SCAPER: variants seen among roughly 807,000 people sequenced by gnomAD.
The protein encoded by SCAPER is S phase cyclin A-associated protein in the endoplasmic reticulum.
In SCAPER, 98 loss-of-function variants were observed where a neutral mutation model predicts 182.2. The ratio of observed to expected loss-of-function variants is 0.54; its 90% CI spans 0.46 to 0.64. The LOEUF (loss-of-function observed/expected upper bound fraction) is 0.64. Ranked by LOEUF, SCAPER falls within the 30% of genes least tolerant of loss-of-function variation. The pLI is 0.00. For missense variants in SCAPER, 1,432 were observed against 1,690.0 expected (o/e 0.85, Z 2.68); for synonymous variants, 605 against 564.6 (o/e 1.07, Z -1.01).
chr15:76,893,118 T>C (rs1265047144), intron 1 of SCAPER, among the ~76,000 whole-genome samples: 3 of 152,090 alleles, frequency 2.0e-5, no homozygotes, highest in Non-Finnish European at 2.9e-5. Flanking sequence ...GGGATGGTAA[T>C]TGAACAATGA....
At chr15:76,415,327 C>A (rs2045572631) in intron 26 of SCAPER, among the ~76,000 whole-genome samples, 1 of 152,120 alleles carries the variant, frequency 6.6e-6, no homozygotes, top group African/African-American at 2.4e-5. Context: ...AAAAGTTGAA[C>A]ATGCATTTAT....
At chr15:76,550,115 A>C (rs1486745376) in intron 23 of SCAPER, among the ~76,000 whole-genome samples, 5 of 152,188 alleles carry the variant, frequency 3.3e-5, no homozygotes, top group Non-Finnish European at 7.4e-5. Flanking sequence ...AGTAAAAAAC[A>C]AAACAAAACA....
At chr15:76,856,498 AT>A (rs910007355) in intron 4 of SCAPER, among the ~76,000 whole-genome samples, 1 of 150,866 alleles carries the variant, frequency 6.6e-6, no homozygotes, top group African/African-American at 2.4e-5. Context: ...TTTTATATGT[AT>A]ATATTAAAAA....
At chr15:76,446,429 T>C (rs549197341) in intron 25 of SCAPER, among the ~76,000 whole-genome samples, 1 of 152,222 alleles carries the variant, frequency 6.6e-6, no homozygotes, top group Non-Finnish European at 1.5e-5. Flanking sequence ...TTGTTTCTCA[T>C]TGCAATAGCT....
chr15:76,476,880 A>G (rs531811072), intron 24 of SCAPER, among the ~76,000 whole-genome samples: 2 of 149,810 alleles, frequency 1.3e-5, no homozygotes, highest in African/African-American at 4.9e-5. Flanking sequence ...AATTTACTTC[A>G]ATTAATCTCT....
intron 29 of SCAPER, among the ~76,000 whole-genome samples, chr15:76,373,255 C>T (rs1039596173): frequency 7.9e-5 from 12 of 152,064 alleles, no homozygotes; most frequent in African/African-American, 2.4e-4. Flanking sequence ...ATAATGTTGG[C>T]CAGGCTGGTC....
intron 26 of SCAPER, among the ~76,000 whole-genome samples, chr15:76,426,782 CA>C (rs1463219337): frequency 2.0e-5 from 3 of 151,980 alleles, no homozygotes. Context: ...GCAAAAAGAA[CA>C]AAGCTGGAGG....
chr15:76,781,430 G>C (rs2064129769), intron 8 of SCAPER, among the ~76,000 whole-genome samples: 1 of 152,220 alleles, frequency 6.6e-6, no homozygotes, highest in Non-Finnish European at 1.5e-5. Context: ...ACGTGAAAGA[G>C]ATGGGGAGAA....
At chr15:76,831,405 G>A (rs1044311308) in intron 5 of SCAPER, among the ~76,000 whole-genome samples, 4 of 151,450 alleles carry the variant, frequency 2.6e-5, no homozygotes, top group African/African-American at 9.7e-5. Context: ...TCCCATAGGA[G>A]TGCTTTTGTA....
chr15:76,487,335 TA>T (rs2051750943), intron 24 of SCAPER, among the ~76,000 whole-genome samples: 1 of 22,972 alleles, frequency 4.4e-5, no homozygotes, highest in South Asian at 1.3e-3. Flanking sequence ...CTTAAAAGTT[TA>T]AAAAACAATC....
At chr15:76,900,203 G>A (rs563563949) in intron 1 of SCAPER, among the ~76,000 whole-genome samples, 11 of 152,096 alleles carry the variant, frequency 7.2e-5, no homozygotes, top group South Asian at 6.2e-4. Flanking sequence ...AAACAGGGCC[G>A]AAGGCCGCAG....
At chr15:76,863,468 A>G (rs1222309857) in intron 2 of SCAPER, among the ~76,000 whole-genome samples, 1 of 152,224 alleles carries the variant, frequency 6.6e-6, no homozygotes, top group Non-Finnish European at 1.5e-5. Context: ...CCTAAAGCGC[A>G]ATACATTTAA....
intron 24 of SCAPER, among the ~76,000 whole-genome samples, chr15:76,474,091 G>A (rs536745193): frequency 1.2e-4 from 18 of 152,076 alleles, no homozygotes; most frequent in Non-Finnish European, 2.5e-4. Context: ...GATTACAGGC[G>A]TGAGCCACCA....
At chr15:76,589,199 G>A (rs1379612619) in intron 22 of SCAPER, among the ~76,000 whole-genome samples, 1 of 152,166 alleles carries the variant, frequency 6.6e-6, no homozygotes, top group Non-Finnish European at 1.5e-5. Flanking sequence ...TTGGTCTCCT[G>A]CCAGGAGGTG....
chr15:76,351,745 C>A (rs2040562779), intron 30 of SCAPER, among the ~76,000 whole-genome samples: 1 of 152,084 alleles, frequency 6.6e-6, no homozygotes, highest in Non-Finnish European at 1.5e-5. Context: ...ATTTTAATAT[C>A]ATTTTCTAGT....
chr15:76,361,626 G>A (rs1381819797), intron 29 of SCAPER, among the ~76,000 whole-genome samples: 1 of 152,202 alleles, frequency 6.6e-6, no homozygotes, highest in East Asian at 1.9e-4. Context: ...GCTGACATTA[G>A]TAAGTGAAGG....
Position 76,419,286 on chromosome 15 carries a change from A to T in SCAPER, c.3312-14607T>A, listed in dbSNP as rs1017158643. ...GGAGGCTGTGGTGAGCCAAGATCGC[A>T]CCATTGCACTCCAGCCTGGGCAACA... On this transcript the variant is annotated intron_variant, in intron 26 of 31. Transcript: ENST00000563290. Among the ~76,000 whole-genome samples the T allele has an allele frequency of 2.7e-5, 4 of 149,598 alleles. No homozygotes were observed. The South Asian group carries it at 8.5e-4, about 32-fold the overall frequency.
At chr15:76,403,561 T>C (rs2044618516) in intron 27 of SCAPER, among the ~76,000 whole-genome samples, 1 of 152,200 alleles carries the variant, frequency 6.6e-6, no homozygotes, top group Non-Finnish European at 1.5e-5. Flanking sequence ...CTTAAAATGT[T>C]CTGAATATAG....
chr15:76,895,637 T>G (rs1268155541), intron 1 of SCAPER, among the ~76,000 whole-genome samples: 1 of 152,024 alleles, frequency 6.6e-6, no homozygotes, highest in African/African-American at 2.4e-5. Flanking sequence ...CCAAAAACTA[T>G]TAGAACTAAT....
Sources: gnomAD v4.1 joint callset for allele counts (sites outside exome capture counted in the v4.1 genomes callset) on GRCh38, gnomAD v4.1.1 for gene constraint, MANE v1.5 for transcripts, NCBI Gene and HGNC (gene_info 2026-07-23, HGNC 2026-07-21) for gene names.